Variants in ROS1 observed in about 807,000 individuals in gnomAD.
ROS1 encodes the protein proto-oncogene tyrosine-protein kinase ROS.
Under a neutral mutation model 273.5 loss-of-function variants are expected in ROS1, and 263 were observed. That is an observed-to-expected ratio of 0.96 (90% confidence interval 0.87 to 1.06). ROS1 has a LOEUF of 1.06. Among genes scored for constraint, ROS1 ranks in the 50% least tolerant of loss-of-function variants. ROS1 has a pLI of 0.00. For missense variants in ROS1, 2,833 were observed against 2,751.1 expected, an observed-to-expected ratio of 1.03 and a Z score of -0.67; for synonymous variants, 1,008 against 954.1, an observed-to-expected ratio of 1.06 and a Z score of -1.04.
At position 117,396,185 on chromosome 6, in the gene ROS1, T is replaced by C. The variant is rs79119625; in HGVS notation, c.883+3A>G. The C allele has an allele frequency of 1.0e-3, 1,640 of 1,612,120 alleles. 29 individuals are homozygous for C. The East Asian group carries it at 0.027, about 27-fold the overall frequency. On this transcript the variant is annotated splice_donor_region_variant and intron_variant, in intron 9 of 43. Transcript: ENST00000368507. The stretch of plus-strand genomic sequence containing the variant: ...TAGCTAAAGGAAGAAGCCTGACCCA[T>C]ACCTGCTGAAGATGAAGTGGTAATA...
chr6:117,356,013 A>G lies in ROS1; in HGVS notation c.4126+616T>C, dbSNP rs1485203074. ...AGAGTATATGGGGTATTTAGAGTAT[A>G]TATTTTTTTCTGTTGAATTACTCCT... is the stretch of plus-strand genomic sequence containing the variant. On this transcript the variant is annotated intron_variant, in intron 26 of 43. Transcript: ENST00000368507. Among the ~76,000 whole-genome samples, 3 of 152,236 alleles carry G rather than the reference A, an allele frequency of 2.0e-5. No homozygotes were observed. In the East Asian group the frequency reaches 5.8e-4, roughly 29 times the overall value.
chr6:117,304,612 T>C (rs960315911), intron 42 of ROS1, among the ~76,000 whole-genome samples: 11 of 152,208 alleles, frequency 7.2e-5, no homozygotes, highest in Non-Finnish European at 1.5e-4. Flanking sequence ...TAATGAAACA[T>C]GAAACTGAGA....
chr6:117,385,014 G>A (rs183641232), intron 16 of ROS1, among the ~76,000 whole-genome samples: 130 of 152,086 alleles, frequency 8.5e-4, no homozygotes, highest in African/African-American at 2.9e-3. Flanking sequence ...TTATGTCTTC[G>A]CACACTTGTA....
intron 31 of ROS1, among the ~76,000 whole-genome samples, chr6:117,339,655 A>G (rs947735095): frequency 6.6e-6 from 1 of 152,146 alleles, no homozygotes; most frequent in African/African-American, 2.4e-5. Flanking sequence ...CTCATGTACA[A>G]ATGACTCTAT....
rs1208080260 is a variant in ROS1, at chr6:117,379,242, A to C, written c.2482-83T>G. Reference sequence around the variant, plus strand: ...TGAACAGGTCACACTTAAGCTATAGATTTCTCTTTAACATCCTCTTTGGAA... The same window carrying C: ...TGAACAGGTCACACTTAAGCTATAGCTTTCTCTTTAACATCCTCTTTGGAA... On this transcript the variant is annotated intron_variant, in intron 17 of 43. Coordinates refer to ENST00000368507, the MANE Select transcript of ROS1 (RefSeq NM_001378902.1). 3.6e-5 allele frequency: 28 copies of C among 775,290 alleles called. No individual in the cohort carries two copies. In the Middle Eastern group the frequency reaches 7.1e-4, roughly 20 times the overall value. The allele number at this position is 775,290 out of a possible 1,614,324, so 48.0% of individuals were successfully genotyped here. A position where few individuals can be genotyped will look rare whatever the true frequency, so the allele number is the denominator to read the frequency against.
chr6:117,315,985 A>G (rs1775891097), intron 39 of ROS1, among the ~76,000 whole-genome samples: 1 of 152,184 alleles, frequency 6.6e-6, no homozygotes, highest in Non-Finnish European at 1.5e-5. Flanking sequence ...CTAGCCTGAG[A>G]AAAAAACTTA....
In ROS1 at chr6:117,324,354, A is replaced by T. The variant is rs1776489773; in HGVS notation, c.5601T>A (p.Val1867=). ...TACCAAAGGTCAGTGGGATTGTAACAACCAGAAATATTCCAACTATAATAG... is the reference window on the plus strand; with the variant it reads ...TACCAAAGGTCAGTGGGATTGTAACTACCAGAAATATTCCAACTATAATAG... ...ILTIIVGIFL[V]VTIPLTFVWH... Residue 1867 remains valine (V), a synonymous_variant, in exon 35 of 44, where the codon GTT becomes GTA. Transcript: ENST00000368507. 1 of 1,526,204 alleles carries T rather than the reference A, an allele frequency of 6.6e-7. No homozygotes were observed. Among genetic ancestry groups the T allele is most frequent in the Non-Finnish European group, 9.0e-7 (1 of 1,107,212 alleles). 94.5% of individuals were successfully genotyped at this position (1,526,204 alleles called of 1,614,324 possible).
intron 22 of ROS1, among the ~76,000 whole-genome samples, chr6:117,361,768 A>G (rs1779820894): frequency 6.6e-6 from 1 of 151,894 alleles, no homozygotes; most frequent in Admixed American, 6.6e-5. Context: ...AAATCCCTAC[A>G]CAACTCAAAT....
intron 2 of ROS1, among the ~76,000 whole-genome samples, 200 bp downstream of exon 2, chr6:117,418,260 GGA>G (rs1775482575): frequency 6.6e-6 from 1 of 152,074 alleles, no homozygotes; most frequent in African/African-American, 2.4e-5. Context: ...TCATGCACTT[GGA>G]TTGGTCCTGT....
intron 9 of ROS1, 38 bp downstream of exon 9, chr6:117,396,150 C>G (rs956103039): frequency 1.3e-6 from 2 of 1,549,934 alleles, no homozygotes; most frequent in Non-Finnish European, 1.8e-6. Context: ...TTGCCACCCT[C>G]ATTCCTGTGT....
rs1018137213 is a variant in ROS1, at chr6:117,308,808, A to G, written c.6537T>C (p.Asn2179=). 6 of 1,612,974 alleles carry G rather than the reference A, an allele frequency of 3.7e-6. No individual in the cohort carries two copies. The highest frequency in any genetic ancestry group is 1.3e-5 in the African/African-American group (1 of 74,836). The change falls in exon 42 of 44, where the codon AAT becomes AAC. Residue 2179 remains asparagine (N), a synonymous_variant. Transcript: ENST00000368507. ...QTGGRLEPPR[N]CPDDLWNLMT... The stretch of plus-strand genomic sequence containing the variant: ...AATTAACTTACAGATCATCAGGACA[A>G]TTTCTTGGTGGCTCCAGTCTCCCTC...
rs1246089768 is a variant in ROS1 at position 117,418,515 on chromosome 6, A to G, written c.124-9T>C. 6.3e-7 allele frequency: 1 copy of G among 1,597,802 alleles called. No homozygotes were observed. The highest frequency in any genetic ancestry group is 1.1e-5 in the South Asian group (1 of 87,944). ...AGGTCAAGCTGCTGGCCCTGAAATG[A>G]AGAAGGAGGTAGTAAACACCAGCCA... On this transcript the variant is annotated splice_polypyrimidine_tract_variant and intron_variant, in intron 1 of 43. Transcript: ENST00000368507.
At chr6:117,380,308 T>C (rs1163740379) in intron 17 of ROS1, among the ~76,000 whole-genome samples, 2 of 152,092 alleles carry the variant, frequency 1.3e-5, no homozygotes, top group Non-Finnish European at 2.9e-5. Flanking sequence ...TGAAAAGTTA[T>C]CCTGCTACAA....
Position 117,301,033 on chromosome 6 carries a change from C to T in ROS1, c.6656G>A (p.Ser2219Asn), listed in dbSNP as rs774048022. The change falls in exon 43 of 44, where the codon AGC becomes AAC. Residue 2219 changes from serine to asparagine, a missense_variant. Transcript: ENST00000368507. ...LQLFRNFFLN[S>N]IYKSRDEANN... is the part of the protein sequence containing the mutation. ...TGCTTCATCTCTGGACTTATAAATGCTATTTAAGAAAAAATTTCTGAATAA... is the reference window on the plus strand; with the variant it reads ...TGCTTCATCTCTGGACTTATAAATGTTATTTAAGAAAAAATTTCTGAATAA... 2.5e-6 allele frequency: 4 copies of T among 1,605,482 alleles called. No homozygotes were observed. The highest frequency in any genetic ancestry group is 2.7e-5 in the African/African-American group (2 of 74,820).
chr6:117,318,825 A>G (rs1776089512), intron 37 of ROS1, among the ~76,000 whole-genome samples: 1 of 152,122 alleles, frequency 6.6e-6, no homozygotes. Flanking sequence ...GCCCGAATGA[A>G]GATGTGATGC....
At chr6:117,314,515 T>C (rs1422825414) in intron 39 of ROS1, among the ~76,000 whole-genome samples, 1 of 152,140 alleles carries the variant, frequency 6.6e-6, no homozygotes, top group Non-Finnish European at 1.5e-5. Context: ...AACTAAATCA[T>C]AGATTCTTCT....
intron 41 of ROS1, among the ~76,000 whole-genome samples, 183 bp downstream of exon 41, chr6:117,309,898 C>T (rs1018625907): frequency 3.9e-5 from 6 of 152,094 alleles, no homozygotes; most frequent in Non-Finnish European, 8.8e-5. Context: ...GGAGCATAAA[C>T]TGCTGAGACC....
At chr6:117,346,585 A>G (rs1258068887) in intron 27 of ROS1, among the ~76,000 whole-genome samples, 1 of 151,714 alleles carries the variant, frequency 6.6e-6, no homozygotes, top group African/African-American at 2.4e-5. Context: ...TTTTTTGGTA[A>G]GACTTTATTT....
rs1775506273 is a variant in ROS1 at position 117,311,053 on chromosome 6, C to T, written c.6182G>A (p.Cys2061Tyr). ...VDLCVDISKG[C>Y]VYLERMHFIH... ...GAAATGCATCCGTTCCAAGTAGACACAGCCTTTTGAAATATCTACACACAG... is the reference window on the plus strand; with the variant it reads ...GAAATGCATCCGTTCCAAGTAGACATAGCCTTTTGAAATATCTACACACAG... Residue 2061 changes from cysteine (C) to tyrosine (Y), a missense_variant, in exon 40 of 44, where the codon TGT becomes TAT. Transcript: ENST00000368507. 2 of 1,611,308 alleles carry T rather than the reference C, an allele frequency of 1.2e-6. No individual in the cohort carries two copies. Among genetic ancestry groups the T allele is most frequent in the Non-Finnish European group, 1.7e-6 (2 of 1,178,450 alleles).
Sources: gnomAD v4.1 joint callset for allele counts (sites outside exome capture counted in the v4.1 genomes callset) on GRCh38, gnomAD v4.1.1 for gene constraint, MANE v1.5 for transcripts, NCBI Gene and HGNC (gene_info 2026-07-23, HGNC 2026-07-21) for gene names.